FOXI2: variants seen among roughly 807,000 people sequenced by gnomAD.
FOXI2 encodes forkhead box I2, also known as forkhead box protein I2.
In FOXI2, 17 loss-of-function variants were observed where a neutral mutation model predicts 14.3. That is an observed-to-expected ratio of 1.19 (90% CI 0.81 to 1.78). The LOEUF is 1.78. Among genes scored for constraint, FOXI2 ranks in the 40% most tolerant of loss-of-function variants. FOXI2 has a pLI of 0.00. For missense variants in FOXI2, 541 were observed against 460.0 expected, an observed-to-expected ratio of 1.18 and a Z score of -1.61; for synonymous variants, 240 against 218.8, an observed-to-expected ratio of 1.10 and a Z score of -0.85.
rs1591211688 is a variant in FOXI2, at chr10:127,739,814, C to CT, written c.*849_*850insT. On this transcript the variant is annotated 3_prime_UTR_variant, in exon 2 of 2. Coordinates refer to ENST00000388920, the MANE Select transcript of FOXI2 (RefSeq NM_207426.3). ...ACCCACACTCACACCCACACTCACA[C>CT]CCACACCCACACCCACACCCACACT... The CT allele has an allele frequency of 3.3e-5, 3 of 90,982 alleles. No homozygotes were observed. The highest frequency in any genetic ancestry group is 7.0e-5 in the Non-Finnish European group (3 of 43,060). The allele number at this position is 90,982 out of a possible 1,614,324, so 5.6% of individuals were successfully genotyped here. A position where few individuals can be genotyped will look rare whatever the true frequency, so the allele number is the denominator to read the frequency against.
At position 127,738,518 on chromosome 10, in the gene FOXI2, A is replaced by C. The variant is rs763588969; in HGVS notation, c.512-2A>C. ...TGAACTGGGCTGTTTCTTCTTCTGC[A>C]GGTAAAGGCAATTACTGGACCCTGG... On this transcript the variant is annotated splice_acceptor_variant, in intron 1 of 1. Transcript: ENST00000388920. LOFTEE classifies it high-confidence loss of function. 33 of 1,607,994 alleles carry C rather than the reference A, an allele frequency of 2.1e-5. No homozygotes were observed. Among genetic ancestry groups the C allele is most frequent in the Non-Finnish European group, 2.6e-5 (31 of 1,177,040 alleles).
chr10:127,739,875 T>A lies in FOXI2; in HGVS notation c.*910T>A, dbSNP rs4440944. 1.4e-5 allele frequency: 1 copy of A among 70,158 alleles called. No homozygotes were observed. The highest frequency in any genetic ancestry group is 2.6e-5 in the Non-Finnish European group (1 of 38,766). 4.3% of individuals were successfully genotyped at this position (70,158 alleles called of 1,614,324 possible). ...CTCACACCCACACTCACACCCACACTCACACCCACACCCACACCCACACTC... is the reference window on the plus strand; with the variant it reads ...CTCACACCCACACTCACACCCACACACACACCCACACCCACACCCACACTC... On this transcript the variant is annotated 3_prime_UTR_variant, in exon 2 of 2. Coordinates refer to ENST00000388920, the MANE Select transcript of FOXI2 (RefSeq NM_207426.3).
Position 127,737,434 on chromosome 10 carries a change from C to T in FOXI2, c.161C>T (p.Ala54Val), listed in dbSNP as rs1846430016. Residue 54 changes from alanine to valine, a missense_variant, in exon 1 of 2, where the codon GCT (alanine) becomes GTT (valine). Ala to Val is a moderately conservative substitution (Grantham distance 64). Coordinates refer to ENST00000388920, the MANE Select transcript of FOXI2 (RefSeq NM_207426.3). The stretch of plus-strand genomic sequence containing the variant: ...CCAGCGCTCAGCCCCAAGTCCTACG[C>T]TTCGGGTCCCGGGCCTGCGCCGCCC... The part of the protein sequence containing the change: ...NAPALSPKSY[A>V]SGPGPAPPYA... 4.4e-6 allele frequency: 6 copies of T among 1,365,410 alleles called. No individual in the cohort carries two copies. Among genetic ancestry groups the T allele is most frequent in the African/African-American group, 1.5e-5 (1 of 64,930 alleles). The allele number at this position is 1,365,410 out of a possible 1,614,324, so 84.6% of individuals were successfully genotyped here. A position where few individuals can be genotyped will look rare whatever the true frequency, so the allele number is the denominator to read the frequency against.
In FOXI2 at chr10:127,738,815, C is replaced by A. The variant is rs769623661; in HGVS notation, c.807C>A (p.Asp269Glu). 1 of 1,606,724 alleles carries A rather than the reference C, an allele frequency of 6.2e-7. No homozygotes were observed. Among genetic ancestry groups the A allele is most frequent in the Non-Finnish European group, 8.5e-7 (1 of 1,177,456 alleles). The change falls in exon 2 of 2, where the codon GAC becomes GAA. Residue 269 changes from aspartate to glutamate, a missense_variant. Coordinates refer to ENST00000388920, the MANE Select transcript of FOXI2 (RefSeq NM_207426.3). ...LGTFPGGLAGDFSFGRRPPTV... is the reference protein window; with the variant it reads ...LGTFPGGLAGEFSFGRRPPTV... ...CCTTCCCCGGGGGCCTGGCGGGCGA[C>A]TTTTCTTTCGGGAGGCGGCCACCGA...
At position 127,739,810 on chromosome 10, in the gene FOXI2, CACACCCACACCCACACCCACACCCACACT is replaced by C. The variant is rs1846474849; in HGVS notation, c.*846_*874del. 1 of 79,006 alleles carries C rather than the reference CACACCCACACCCACACCCACACCCACACT, an allele frequency of 1.3e-5. No homozygotes were observed. Among genetic ancestry groups the C allele is most frequent in the African/African-American group, 5.4e-5 (1 of 18,660 alleles). 4.9% of individuals were successfully genotyped at this position (79,006 alleles called of 1,614,324 possible). On this transcript the variant is annotated 3_prime_UTR_variant, in exon 2 of 2. Transcript: ENST00000388920. ...TCACACCCACACTCACACCCACACT[CACACCCACACCCACACCCACACCCACACT>C]CACACTCACACTCACACCCACACTC...
Position 127,737,265 on chromosome 10 carries a change from C to G in FOXI2, c.-9C>G. The G allele has an allele frequency of 6.8e-7, 1 of 1,472,702 alleles. No individual in the cohort carries two copies. The highest frequency in any genetic ancestry group is 8.9e-7 in the Non-Finnish European group (1 of 1,122,222). The allele number at this position is 1,472,702 out of a possible 1,614,324, so 91.2% of individuals were successfully genotyped here. ...GGCACCGCTGGCCCAGGCCCGGGCGCGGCTGGACATGGCCACCTACTGCGA... is the reference window on the plus strand; with the variant it reads ...GGCACCGCTGGCCCAGGCCCGGGCGGGGCTGGACATGGCCACCTACTGCGA... On this transcript the variant is annotated 5_prime_UTR_variant, in exon 1 of 2. Transcript: ENST00000388920.
In FOXI2 at chr10:127,739,833, C is replaced by CCACACCCACACCCACACT; in HGVS notation, c.*873_*874insCCACACCCACACTCACAC. ...CTCACACCCACACCCACACCCACAC[C>CCACACCCACACCCACACT]CACACTCACACTCACACTCACACCC... On this transcript the variant is annotated 3_prime_UTR_variant, in exon 2 of 2. Transcript: ENST00000388920. 3.1e-5 allele frequency: 1 copy of CCACACCCACACCCACACT among 32,400 alleles called. No individual in the cohort carries two copies. The highest frequency in any genetic ancestry group is 9.1e-5 in the African/African-American group (1 of 10,970). 2.0% of individuals were successfully genotyped at this position (32,400 alleles called of 1,614,324 possible).
rs1055610424 is a variant in FOXI2 at position 127,741,074 on chromosome 10, A to T, written c.*2109A>T. Reference sequence around the variant, plus strand: ...GACACTCCCCATAAGCAATACAATTAAAGAAGACCAGGAAAGGAAAATAAA... The same window carrying T: ...GACACTCCCCATAAGCAATACAATTTAAGAAGACCAGGAAAGGAAAATAAA... On this transcript the variant is annotated 3_prime_UTR_variant, in exon 2 of 2. Transcript: ENST00000388920. 1 of 152,228 alleles carries T rather than the reference A, an allele frequency of 6.6e-6. No homozygotes were observed. Among genetic ancestry groups the T allele is most frequent in the Non-Finnish European group, 1.5e-5 (1 of 68,038 alleles). The allele number at this position is 152,228 out of a possible 1,614,324, so 9.4% of individuals were successfully genotyped here.
rs1022876250 is a variant in FOXI2, at chr10:127,740,439, T to G, written c.*1474T>G. 1 of 152,156 alleles carries G rather than the reference T, an allele frequency of 6.6e-6. No homozygotes were observed. 9.4% of individuals were successfully genotyped at this position (152,156 alleles called of 1,614,324 possible). On this transcript the variant is annotated 3_prime_UTR_variant, in exon 2 of 2. Transcript: ENST00000388920. Reference sequence around the variant, plus strand: ...AGGAATTTTTTGGCCTCTGTACTCCTTAGAGGACCTAAGTGCCCCAGTCAG... The same window carrying G: ...AGGAATTTTTTGGCCTCTGTACTCCGTAGAGGACCTAAGTGCCCCAGTCAG...
chr10:127,738,805 T>G lies in FOXI2; in HGVS notation c.797T>G (p.Leu266Arg). The G allele has an allele frequency of 6.2e-7, 1 of 1,606,284 alleles. No homozygotes were observed. The highest frequency in any genetic ancestry group is 1.1e-5 in the South Asian group (1 of 90,126). Residue 266 changes from leucine to arginine, a missense_variant, in exon 2 of 2, where the codon CTG (leucine) becomes CGG (arginine). By Grantham distance (102) the Leu-to-Arg change is moderately radical. Coordinates refer to ENST00000388920, the MANE Select transcript of FOXI2 (RefSeq NM_207426.3). ...GGCCTTGGCACCTTCCCCGGGGGCCTGGCGGGCGACTTTTCTTTCGGGAGG... is the reference window on the plus strand; with the variant it reads ...GGCCTTGGCACCTTCCCCGGGGGCCGGGCGGGCGACTTTTCTTTCGGGAGG... ...AGGLGTFPGG[L>R]AGDFSFGRRP... is the part of the protein sequence containing the mutation.
rs1564749078 is a variant in FOXI2, at chr10:127,739,840, CACACTCACACTCACACCCACACT to C, written c.*876_*898del. 1.7e-4 allele frequency: 5 copies of C among 30,292 alleles called. No homozygotes were observed. The highest frequency in any genetic ancestry group is 3.6e-4 in the Admixed American group (1 of 2,740). 1.9% of individuals were successfully genotyped at this position (30,292 alleles called of 1,614,324 possible). A position where few individuals can be genotyped will look rare whatever the true frequency, so the allele number is the denominator to read the frequency against. On this transcript the variant is annotated 3_prime_UTR_variant, in exon 2 of 2. Transcript: ENST00000388920. Reference sequence around the variant, plus strand: ...CCACACCCACACCCACACCCACACTCACACTCACACTCACACCCACACTCACACCCACACTCACACCCACACCC... The same window carrying C: ...CCACACCCACACCCACACCCACACTCCACACCCACACTCACACCCACACCC...
chr10:127,739,935 A>G lies in FOXI2; in HGVS notation c.*970A>G, dbSNP rs1301669966. On this transcript the variant is annotated 3_prime_UTR_variant, in exon 2 of 2. Transcript: ENST00000388920. ...CACACCCACACCCACACTCACACCCACACACACTCACACCCACACACACCC... is the reference window on the plus strand; with the variant it reads ...CACACCCACACCCACACTCACACCCGCACACACTCACACCCACACACACCC... 1.8e-5 allele frequency: 1 copy of G among 55,052 alleles called. No individual in the cohort carries two copies. The highest frequency in any genetic ancestry group is 5.5e-4 in the East Asian group (1 of 1,814). 3.4% of individuals were successfully genotyped at this position (55,052 alleles called of 1,614,324 possible). A position where few individuals can be genotyped will look rare whatever the true frequency, so the allele number is the denominator to read the frequency against.
intron 1 of FOXI2, 33 bp downstream of exon 1, chr10:127,737,817 G>T (rs755894829): frequency 2.5e-6 from 4 of 1,588,784 alleles, no homozygotes; most frequent in Admixed American, 1.8e-5. Context: ...CTCCGTCCAG[G>T]ACTCCCCATC....
In FOXI2 at chr10:127,737,277, G is replaced by A; in HGVS notation, c.4G>A (p.Ala2Thr). 1 of 1,473,304 alleles carries A rather than the reference G, an allele frequency of 6.8e-7. No individual in the cohort carries two copies. The highest frequency in any genetic ancestry group is 8.9e-7 in the Non-Finnish European group (1 of 1,122,560). 91.3% of individuals were successfully genotyped at this position (1,473,304 alleles called of 1,614,324 possible). A position where few individuals can be genotyped will look rare whatever the true frequency, so the allele number is the denominator to read the frequency against. ...CCAGGCCCGGGCGCGGCTGGACATGGCCACCTACTGCGACGACCTGGGCCC... is the reference window on the plus strand; with the variant it reads ...CCAGGCCCGGGCGCGGCTGGACATGACCACCTACTGCGACGACCTGGGCCC... MATYCDDLGPSS... is the reference protein window; with the variant it reads MTTYCDDLGPSS... Residue 2 changes from alanine (A) to threonine (T), a missense_variant, in exon 1 of 2, where the codon GCC becomes ACC. Ala to Thr is a moderately conservative substitution (Grantham distance 58, BLOSUM62 0). Transcript: ENST00000388920.
rs370717640 is a variant in FOXI2, at chr10:127,738,628, C to G, written c.620C>G (p.Ser207Trp). The change falls in exon 2 of 2, where the codon TCG becomes TGG. Residue 207 changes from serine to tryptophan, a missense_variant. By Grantham distance (177) the Ser-to-Trp change is radical. Coordinates refer to ENST00000388920, the MANE Select transcript of FOXI2 (RefSeq NM_207426.3). ...GCTGAAGCCAGCGCGGCCGTGCGCT[C>G]GGGAGCCAGGAGCGTGGGAGGGGCC... ...RRAEASAAVR[S>W]GARSVGGAEA... 5.6e-6 allele frequency: 9 copies of G among 1,603,952 alleles called. No homozygotes were observed. Among genetic ancestry groups the G allele is most frequent in the Non-Finnish European group, 7.7e-6 (9 of 1,175,104 alleles).
chr10:127,737,978 G>C (rs1331346590), intron 1 of FOXI2, among the ~76,000 whole-genome samples, 194 bp downstream of exon 1: 4 of 152,200 alleles, frequency 2.6e-5, no homozygotes, highest in Non-Finnish European at 2.9e-5. Flanking sequence ...GCCCACCACA[G>C]GCCCGCGTTT....
chr10:127,737,923 G>A, intron 1 of FOXI2, 139 bp downstream of exon 1: 8 of 1,340,880 alleles, frequency 6.0e-6, no homozygotes, highest in African/African-American at 1.5e-5. Flanking sequence ...GAGGGAGAAG[G>A]GGAAGAAGTG....
In FOXI2 at chr10:127,740,045, C is replaced by G. The variant is rs1258963985; in HGVS notation, c.*1080C>G. On this transcript the variant is annotated 3_prime_UTR_variant, in exon 2 of 2. Transcript: ENST00000388920. Reference sequence around the variant, plus strand: ...ACACTCACACCCACACTCACACTGACACCCACACTCACACCCACACTCATA... The same window carrying G: ...ACACTCACACCCACACTCACACTGAGACCCACACTCACACCCACACTCATA... 2.7e-5 allele frequency: 1 copy of G among 37,236 alleles called. No individual in the cohort carries two copies. The highest frequency in any genetic ancestry group is 7.6e-5 in the Non-Finnish European group (1 of 13,216). 2.3% of individuals were successfully genotyped at this position (37,236 alleles called of 1,614,324 possible).
Position 127,737,441 on chromosome 10 carries a change from TC to T in FOXI2, c.171del (p.Pro59LeufsTer31). 1.5e-6 allele frequency: 2 copies of T among 1,362,848 alleles called. No homozygotes were observed. Among genetic ancestry groups the T allele is most frequent in the Non-Finnish European group, 1.9e-6 (2 of 1,068,886 alleles). 84.4% of individuals were successfully genotyped at this position (1,362,848 alleles called of 1,614,324 possible). On this transcript the variant is annotated frameshift_variant, in exon 1 of 2. Coordinates refer to ENST00000388920, the MANE Select transcript of FOXI2 (RefSeq NM_207426.3). LOFTEE classifies it high-confidence loss of function. ...TCAGCCCCAAGTCCTACGCTTCGGG[TC>T]CCGGGCCTGCGCCGCCCTACGCGGC... ...ALSPKSYASG[P>X]GPAPPYAAPS...
Sources: allele counts gnomAD v4.1 joint callset (sites outside exome capture counted in the v4.1 genomes callset), GRCh38; gene constraint gnomAD v4.1.1; transcripts MANE v1.5; gene names NCBI Gene and HGNC (gene_info 2026-07-23, HGNC 2026-07-21).